Variants in RBAK observed in about 807,000 individuals in gnomAD.
The protein encoded by RBAK is RB associated KRAB zinc finger.
A neutral mutation model predicts 65.8 loss-of-function variants in RBAK; 39 were observed. The observed-to-expected ratio is 0.59, with a 90% CI of 0.46 to 0.77. The LOEUF (loss-of-function observed/expected upper bound fraction) is 0.77. Ranked by LOEUF, RBAK falls within the 30% of genes least tolerant of loss-of-function variation. The pLI, the probability that RBAK is intolerant of heterozygous loss-of-function variation, is 0.00. For missense variants in RBAK, 884 were observed against 855.1 expected, an observed-to-expected ratio of 1.03 and a Z score of -0.42; for synonymous variants, 343 against 289.7, an observed-to-expected ratio of 1.18 and a Z score of -1.87.
At chr7:5,046,696 T>G (rs1036477039) in intron 1 of RBAK, among the ~76,000 whole-genome samples, 2 of 152,206 alleles carry the variant, frequency 1.3e-5, no homozygotes, top group African/African-American at 2.4e-5. Flanking sequence ...CGACCTCCTC[T>G]AAACGTCCGT....
chr7:5,052,647 C>T (rs1220510347), intron 2 of RBAK, among the ~76,000 whole-genome samples: 2 of 152,172 alleles, frequency 1.3e-5, no homozygotes, highest in African/African-American at 2.4e-5. Flanking sequence ...TCATTTCTCT[C>T]CTCTTGGTCT....
chr7:5,058,052 A>G (rs1778971857), intron 4 of RBAK, among the ~76,000 whole-genome samples: 1 of 138,684 alleles, frequency 7.2e-6, no homozygotes, highest in Non-Finnish European at 1.5e-5. Context: ...GCCATTACAG[A>G]ATTGTTTTGG....
intron 3 of RBAK, 88 bp downstream of exon 3, chr7:5,057,509 C>T: frequency 6.2e-7 from 1 of 1,610,822 alleles, no homozygotes. Context: ...CCATTTAATT[C>T]CTTGTGGGCA....
chr7:5,052,434 G>A (rs1788135990), intron 2 of RBAK, among the ~76,000 whole-genome samples: 1 of 152,018 alleles, frequency 6.6e-6, no homozygotes, highest in Non-Finnish European at 1.5e-5. Flanking sequence ...TTTTTAAAAT[G>A]TCTTTGTTTG....
chr7:5,053,563 C>T (rs1788161012), intron 2 of RBAK, among the ~76,000 whole-genome samples: 1 of 152,134 alleles, frequency 6.6e-6, no homozygotes, highest in Non-Finnish European at 1.5e-5. Flanking sequence ...TCTTCACATA[C>T]CCACCACCTC....
chr7:5,066,462 A>G lies in RBAK; in HGVS notation c.*861A>G, dbSNP rs1779220604. On this transcript the variant is annotated 3_prime_UTR_variant, in exon 5 of 5. Transcript: ENST00000396912. ...TAAGTCTATTTCAGTGAAAGAGAAC[A>G]AGCATACTGCCCATACTCTAAAATA... The G allele has an allele frequency of 6.6e-6, 1 of 152,170 alleles. No homozygotes were observed. The highest frequency in any genetic ancestry group is 2.1e-4 in the South Asian group (1 of 4,832). 9.4% of individuals were successfully genotyped at this position (152,170 alleles called of 1,614,324 possible). A position where few individuals can be genotyped will look rare whatever the true frequency, so the allele number is the denominator to read the frequency against.
rs140779883 is a variant in RBAK at position 5,049,821 on chromosome 7, T to C, written c.15+1730T>C. 6.2e-3 allele frequency among the ~76,000 whole-genome samples: 937 copies of C among 152,170 alleles called. 14 individuals are homozygous for C. Among genetic ancestry groups the C allele is most frequent in the African/African-American group, 0.022 (893 of 41,518 alleles). On this transcript the variant is annotated intron_variant, in intron 2 of 4. Coordinates refer to ENST00000396912, the MANE Select transcript of RBAK (RefSeq NM_021163.4). ...TCACTGCAACCTCAGTCTCCTGGGC[T>C]CACACGATCCTCCTGCCTCAGCCTC...
rs573797442 is a variant in RBAK at position 5,054,234 on chromosome 7, T to C, written c.16-3061T>C. ...AGCCTGGCCAACATAGTGAAACCCC[T>C]TCTATACTAAAAATACAAAAATTAG... is the stretch of plus-strand genomic sequence containing the variant. On this transcript the variant is annotated intron_variant, in intron 2 of 4. Coordinates refer to ENST00000396912, the MANE Select transcript of RBAK (RefSeq NM_021163.4). Among the ~76,000 whole-genome samples, 76 of 152,046 alleles carry C rather than the reference T, an allele frequency of 5.0e-4. 1 individual carries two copies. Among genetic ancestry groups the C allele is most frequent in the African/African-American group, 1.8e-3 (75 of 41,492 alleles).
intron 4 of RBAK, among the ~76,000 whole-genome samples, chr7:5,061,454 T>C (rs1335882571): frequency 3.8e-4 from 13 of 34,418 alleles, no homozygotes; most frequent in African/African-American, 1.1e-3. Flanking sequence ...TTTCTTTTTC[T>C]TTTTTTTTTT....
chr7:5,060,558 G>A (rs1779045516), intron 4 of RBAK, among the ~76,000 whole-genome samples: 1 of 152,158 alleles, frequency 6.6e-6, no homozygotes, highest in Admixed American at 6.5e-5. Context: ...TCAATGAACT[G>A]GGAAGAGATT....
In RBAK at chr7:5,068,613, T is replaced by G. The variant is rs1375248892; in HGVS notation, c.*3012T>G. The stretch of plus-strand genomic sequence containing the variant: ...GTAAGCAAGAGGAACTGTACACTAC[T>G]GGTGGAATTGCTCATCGATAAAACC... On this transcript the variant is annotated 3_prime_UTR_variant, in exon 5 of 5. Coordinates refer to ENST00000396912, the MANE Select transcript of RBAK (RefSeq NM_021163.4). 1.3e-5 allele frequency: 2 copies of G among 152,344 alleles called. No homozygotes were observed. Among genetic ancestry groups the G allele is most frequent in the Non-Finnish European group, 2.9e-5 (2 of 68,026 alleles). 9.4% of individuals were successfully genotyped at this position (152,344 alleles called of 1,614,324 possible).
At chr7:5,060,909 A>G (rs959683891) in intron 4 of RBAK, among the ~76,000 whole-genome samples, 1 of 152,208 alleles carries the variant, frequency 6.6e-6, no homozygotes, top group Admixed American at 6.5e-5. Context: ...TAGTTTGTGC[A>G]TCCAAAAATT....
chr7:5,051,255 C>A (rs1414872838), intron 2 of RBAK, among the ~76,000 whole-genome samples: 1 of 151,940 alleles, frequency 6.6e-6, no homozygotes, highest in Non-Finnish European at 1.5e-5. Flanking sequence ...CAAAGAAATC[C>A]CAGCTACTTC....
chr7:5,069,350 G>A lies in RBAK; in HGVS notation c.*3749G>A, dbSNP rs945031848. 1.3e-5 allele frequency: 2 copies of A among 152,102 alleles called. No individual in the cohort carries two copies. The highest frequency in any genetic ancestry group is 2.9e-5 in the Non-Finnish European group (2 of 68,028). 9.4% of individuals were successfully genotyped at this position (152,102 alleles called of 1,614,324 possible). A position where few individuals can be genotyped will look rare whatever the true frequency, so the allele number is the denominator to read the frequency against. Reference sequence around the variant, plus strand: ...CGCTGTCCTTAAAGCTTAGCATAATGTATATTTTAAGTGAAATATTTGAGA... The same window carrying A: ...CGCTGTCCTTAAAGCTTAGCATAATATATATTTTAAGTGAAATATTTGAGA... On this transcript the variant is annotated 3_prime_UTR_variant, in exon 5 of 5. Coordinates refer to ENST00000396912, the MANE Select transcript of RBAK (RefSeq NM_021163.4).
At position 5,048,199 on chromosome 7, in the gene RBAK, G is replaced by A. The variant is rs911469205; in HGVS notation, c.15+108G>A. Reference sequence around the variant, plus strand: ...TTTTTTTCTTTTTTTTTGAGATGGAGTCTTGCTCTGTTGCCCAGGCTGGAG... The same window carrying A: ...TTTTTTTCTTTTTTTTTGAGATGGAATCTTGCTCTGTTGCCCAGGCTGGAG... On this transcript the variant is annotated intron_variant, in intron 2 of 4. Coordinates refer to ENST00000396912, the MANE Select transcript of RBAK (RefSeq NM_021163.4). The surrounding 1 kb of genome is among the most constrained non-coding windows in gnomAD (Gnocchi z 4.4). 90 of 1,490,928 alleles carry A rather than the reference G, an allele frequency of 6.0e-5. No individual in the cohort carries two copies. The highest frequency in any genetic ancestry group is 7.8e-5 in the Non-Finnish European group (86 of 1,103,748). 92.4% of individuals were successfully genotyped at this position (1,490,928 alleles called of 1,614,324 possible). A position where few individuals can be genotyped will look rare whatever the true frequency, so the allele number is the denominator to read the frequency against.
intron 2 of RBAK, among the ~76,000 whole-genome samples, chr7:5,050,774 A>C (rs1055083039): frequency 6.6e-6 from 1 of 151,988 alleles, no homozygotes; most frequent in African/African-American, 2.4e-5. Context: ...AGGTTTTGCT[A>C]TGTTGCCCAG....
intron 2 of RBAK, among the ~76,000 whole-genome samples, chr7:5,055,075 C>T (rs970755201): frequency 3.3e-5 from 5 of 152,096 alleles, no homozygotes; most frequent in African/African-American, 1.2e-4. Flanking sequence ...AGCCACCGTG[C>T]CCGAGCACTT....
chr7:5,057,664 C>G lies in RBAK; in HGVS notation c.143-20C>G, dbSNP rs1562536670. On this transcript the variant is annotated intron_variant, in intron 3 of 4. Coordinates refer to ENST00000396912, the MANE Select transcript of RBAK (RefSeq NM_021163.4). ...AAGCCAAGCAGCTTCCCCAAGTCCT[C>G]CTTCTTTTCCCATTAACAGGATATG... 1.2e-6 allele frequency: 2 copies of G among 1,613,566 alleles called. No individual in the cohort carries two copies. Among genetic ancestry groups the G allele is most frequent in the South Asian group, 1.1e-5 (1 of 90,998 alleles).
At chr7:5,052,842 C>T (rs1376754383) in intron 2 of RBAK, among the ~76,000 whole-genome samples, 1 of 152,164 alleles carries the variant, frequency 6.6e-6, no homozygotes, top group East Asian at 1.9e-4. Context: ...TCACTGCAAC[C>T]TCTGCCTCCC....
Sources: allele counts gnomAD v4.1 joint callset (sites outside exome capture counted in the v4.1 genomes callset), GRCh38; gene constraint gnomAD v4.1.1; non-coding constraint Gnocchi (gnomAD v3.1); transcripts MANE v1.5; gene names NCBI Gene and HGNC (gene_info 2026-07-23, HGNC 2026-07-21).